The following HEATR5A variants were observed in gnomAD, a reference collection of about 807,000 sequenced individuals.
HEATR5A encodes the protein HEAT repeat-containing protein 5A.
In HEATR5A, 178 loss-of-function variants were observed where a neutral mutation model predicts 218.8. That is an observed-to-expected ratio of 0.81 (90% CI 0.72 to 0.92). The LOEUF (loss-of-function observed/expected upper bound fraction) is 0.92, where lower values mean the gene tolerates loss of function less well. HEATR5A is among the 40% of genes least tolerant of loss of function. The pLI, the probability that HEATR5A is intolerant of heterozygous loss-of-function variation, is 0.00. For missense variants in HEATR5A, 2,420 were observed against 2,418.9 expected, an observed-to-expected ratio of 1.00 and a Z score of -0.01; for synonymous variants, 864 against 871.6, an observed-to-expected ratio of 0.99 and a Z score of 0.15.
rs59233829 is a variant in HEATR5A, at chr14:31,384,848, T to A, written c.1346-1077A>T. On this transcript the variant is annotated intron_variant, in intron 9 of 35. Coordinates refer to ENST00000543095, the MANE Select transcript of HEATR5A (RefSeq NM_015473.4). ...GCCTACATAATTAATACACTTTCTATCCACCATGTTGCTCTTATAAGAATA... is the reference window on the plus strand; with the variant it reads ...GCCTACATAATTAATACACTTTCTAACCACCATGTTGCTCTTATAAGAATA... Among the ~76,000 whole-genome samples the A allele has an allele frequency of 8.7e-3, 1,315 of 152,008 alleles. 19 individuals carry two copies. The highest frequency in any genetic ancestry group is 0.031 in the African/African-American group (1,264 of 41,438).
In HEATR5A at chr14:31,307,540, T is replaced by C. The variant is rs74043916; in HGVS notation, c.4818+353A>G. Among the ~76,000 whole-genome samples the C allele has an allele frequency of 2.3e-3, 351 of 152,200 alleles. 2 individuals carry two copies. Among genetic ancestry groups the C allele is most frequent in the African/African-American group, 7.7e-3 (319 of 41,526 alleles). ...ACCCATTAGATTCTCTCTTGGGGAATGGAATATAAGATACAGGTATATACA... is the reference window on the plus strand; with the variant it reads ...ACCCATTAGATTCTCTCTTGGGGAACGGAATATAAGATACAGGTATATACA... On this transcript the variant is annotated intron_variant, in intron 30 of 35. Transcript: ENST00000543095.
At chr14:31,351,749 G>A (rs1901239420) in intron 16 of HEATR5A, among the ~76,000 whole-genome samples, 1 of 151,446 alleles carries the variant, frequency 6.6e-6, no homozygotes, top group South Asian at 2.1e-4. Context: ...GTACCTGGGA[G>A]TATAGGAACA....
intron 11 of HEATR5A, among the ~76,000 whole-genome samples, chr14:31,378,609 A>G (rs2139267658): frequency 6.6e-6 from 1 of 152,178 alleles, no homozygotes; most frequent in South Asian, 2.1e-4. Flanking sequence ...AACATGGTGA[A>G]ACCCCGTCTC....
chr14:31,377,087 G>A (rs1326356045), intron 11 of HEATR5A, among the ~76,000 whole-genome samples: 1 of 146,150 alleles, frequency 6.8e-6, no homozygotes. Context: ...TGGTGCCACT[G>A]TACTCCAGCC....
chr14:31,307,655 A>C (rs1899597584), intron 30 of HEATR5A, among the ~76,000 whole-genome samples: 1 of 152,040 alleles, frequency 6.6e-6, no homozygotes, highest in Admixed American at 6.6e-5. Flanking sequence ...GCAATATAGA[A>C]CCCTCCCATC....
intron 22 of HEATR5A, among the ~76,000 whole-genome samples, chr14:31,332,472 G>A (rs981281265): frequency 1.3e-5 from 2 of 152,146 alleles, no homozygotes; most frequent in Non-Finnish European, 2.9e-5. Context: ...AGAGTCACAC[G>A]TCCTTCACTT....
At chr14:31,347,615 C>G (rs1274455340) in intron 19 of HEATR5A, 133 bp downstream of exon 19, 8 of 647,784 alleles carry the variant, frequency 1.2e-5, no homozygotes, top group Non-Finnish European at 1.6e-5. Context: ...AAAAATCCAC[C>G]AAGGTTAACA....
intron 26 of HEATR5A, among the ~76,000 whole-genome samples, chr14:31,316,819 A>G (rs919278662): frequency 2.0e-5 from 3 of 151,768 alleles, no homozygotes; most frequent in Non-Finnish European, 1.5e-5. Flanking sequence ...TCCTGAGTAG[A>G]CAGGGCCACA....
At chr14:31,312,673 G>A (rs565010066) in intron 28 of HEATR5A, among the ~76,000 whole-genome samples, 1 of 152,138 alleles carries the variant, frequency 6.6e-6, no homozygotes, top group South Asian at 2.1e-4. Context: ...TCAGCTTCCC[G>A]AACTGCTGGG....
intron 12 of HEATR5A, among the ~76,000 whole-genome samples, 173 bp downstream of exon 12, chr14:31,374,643 C>G (rs115603020): frequency 6.6e-6 from 1 of 152,058 alleles, no homozygotes; most frequent in Admixed American, 6.6e-5. Flanking sequence ...ATAACATACA[C>G]CAGTTATCAT....
In HEATR5A at chr14:31,416,928, C is replaced by G. The variant is rs1475821724; in HGVS notation, c.-75+3544G>C. 2.0e-5 allele frequency among the ~76,000 whole-genome samples: 3 copies of G among 152,138 alleles called. No individual in the cohort carries two copies. The South Asian group carries it at 6.2e-4, about 32-fold the overall frequency. ...AACAGCCTGGGCGACATAGCAAAAC[C>G]GCCTCTCTACAAAAAATACAAAATA... On this transcript the variant is annotated intron_variant, in intron 1 of 35. Transcript: ENST00000543095.
chr14:31,384,969 G>C (rs990242106), intron 9 of HEATR5A, among the ~76,000 whole-genome samples: 5 of 152,122 alleles, frequency 3.3e-5, no homozygotes, highest in African/African-American at 1.2e-4. Context: ...ATAAAAGAAA[G>C]GGTATTATTT....
At chr14:31,330,360 C>T (rs1900421913) in intron 22 of HEATR5A, among the ~76,000 whole-genome samples, 1 of 152,122 alleles carries the variant, frequency 6.6e-6, no homozygotes, top group East Asian at 1.9e-4. Flanking sequence ...GCAACAATTC[C>T]CAAGGCTGCA....
rs568879787 is a variant in HEATR5A at position 31,351,693 on chromosome 14, C to T, written c.2412-976G>A. Among the ~76,000 whole-genome samples the T allele has an allele frequency of 3.9e-5, 6 of 152,148 alleles. 1 individual carries two copies. Among genetic ancestry groups the T allele is most frequent in the African/African-American group, 1.4e-4 (6 of 41,514 alleles). ...TAGATGCCATCATAGCTCATTGCAG[C>T]CTCGACCTCCTGGGCTTAAGTGATC... On this transcript the variant is annotated intron_variant, in intron 16 of 35. Transcript: ENST00000543095.
chr14:31,418,242 A>C (rs2031521110), intron 1 of HEATR5A, among the ~76,000 whole-genome samples: 1 of 152,146 alleles, frequency 6.6e-6, no homozygotes, highest in South Asian at 2.1e-4. Flanking sequence ...AAACAGAAGA[A>C]TTAAAACTGA....
chr14:31,386,282 T>A, intron 9 of HEATR5A, 138 bp downstream of exon 9: 1 of 647,568 alleles, frequency 1.5e-6, no homozygotes, highest in Non-Finnish European at 2.5e-6. Flanking sequence ...TTTTTAATAA[T>A]CCTGATTATA....
chr14:31,366,231 G>A (rs1024752942), intron 13 of HEATR5A, among the ~76,000 whole-genome samples: 2 of 152,038 alleles, frequency 1.3e-5, no homozygotes, highest in African/African-American at 4.8e-5. Flanking sequence ...CTATGACTGC[G>A]CCACTGCACT....
At chr14:31,404,942 G>A (rs1271141540) in intron 1 of HEATR5A, among the ~76,000 whole-genome samples, 1 of 151,306 alleles carries the variant, frequency 6.6e-6, no homozygotes, top group Non-Finnish European at 1.5e-5. Context: ...TCTGGGTCCA[G>A]TGCCATGTGC....
intron 30 of HEATR5A, among the ~76,000 whole-genome samples, chr14:31,307,358 G>C (rs1899587192): frequency 6.6e-6 from 1 of 152,184 alleles, no homozygotes; most frequent in African/African-American, 2.4e-5. Flanking sequence ...TCAAAGAGAA[G>C]TACCATACTT....
Sources: gnomAD v4.1 joint callset for allele counts (sites outside exome capture counted in the v4.1 genomes callset) on GRCh38, gnomAD v4.1.1 for gene constraint, MANE v1.5 for transcripts, NCBI Gene and HGNC (gene_info 2026-07-23, HGNC 2026-07-21) for gene names.